The following USH2A variants were observed in gnomAD, a reference collection of about 807,000 sequenced individuals.
The protein encoded by USH2A is Usher syndrome 2A (autosomal recessive, mild).
USH2A carries 443 observed loss-of-function variants against 538.9 expected under a neutral mutation model. The ratio of observed to expected loss-of-function variants is 0.82; its 90% CI spans 0.76 to 0.89. The LOEUF (loss-of-function observed/expected upper bound fraction) is 0.89, where lower values mean the gene tolerates loss of function less well. Among genes scored for constraint, USH2A ranks in the 40% least tolerant of loss-of-function variants. The pLI, the probability that USH2A is intolerant of heterozygous loss-of-function variation, is 0.00. For synonymous variants in USH2A, 2,413 were observed against 2,273.5 expected (o/e 1.06, Z -1.75); for missense variants, 6,633 against 6,324.8 (o/e 1.05, Z -1.65).
chr1:216,329,892 A>C (rs2037820074), intron 4 of USH2A, among the ~76,000 whole-genome samples: 1 of 152,120 alleles, frequency 6.6e-6, no homozygotes, highest in Non-Finnish European at 1.5e-5. Context: ...TGAGATATCA[A>C]GGAGAAAAAA....
intron 64 of USH2A, among the ~76,000 whole-genome samples, chr1:215,668,036 T>G (rs1384989351): frequency 6.6e-6 from 1 of 152,190 alleles, no homozygotes; most frequent in East Asian, 1.9e-4. Flanking sequence ...TCCCCACTGC[T>G]AGGAAGTTTC....
Position 216,086,742 on chromosome 1 carries a change from T to C in USH2A, c.4964A>G (p.Tyr1655Cys). The change falls in exon 24 of 72, where the codon TAT (tyrosine) becomes TGT (cysteine). Residue 1655 changes from tyrosine to cysteine, a missense_variant. Coordinates refer to ENST00000307340, the MANE Select transcript of USH2A (RefSeq NM_206933.4). ...GVFLGGLPRSYTILRKDPEII... is the reference protein window; with the variant it reads ...GVFLGGLPRSCTILRKDPEII... ...ACCAGGATCCTTCCTGAGGATGGTA[T>C]AACTTCGCGGGAGCCCTCCCAGAAA... The C allele has an allele frequency of 6.2e-7, 1 of 1,612,944 alleles. No individual in the cohort carries two copies. The highest frequency in any genetic ancestry group is 8.5e-7 in the Non-Finnish European group (1 of 1,179,296).
rs77089736 is a variant in USH2A at position 216,364,082 on chromosome 1, A to G, written c.784+871T>C. On this transcript the variant is annotated intron_variant, in intron 4 of 71. Transcript: ENST00000307340. ...AAATACTATTTTTATTTTAATATGC[A>G]GGCATTTTAAAGACCACTGTACTAG... is the stretch of plus-strand genomic sequence containing the variant. Among the ~76,000 whole-genome samples, 4 of 151,318 alleles carry G rather than the reference A, an allele frequency of 2.6e-5. No homozygotes were observed. The East Asian group carries it at 7.7e-4, about 29-fold the overall frequency.
chr1:215,699,282 A>G (rs992722193), intron 61 of USH2A, among the ~76,000 whole-genome samples: 5 of 152,044 alleles, frequency 3.3e-5, no homozygotes, highest in African/African-American at 1.2e-4. Context: ...TTTTTGCTTA[A>G]GATTGTCTTG....
chr1:215,764,745 A>G (rs75375609), intron 56 of USH2A, among the ~76,000 whole-genome samples: 10,735 of 152,186 alleles, frequency 0.071, 755 homozygotes, highest in East Asian at 0.36. Flanking sequence ...GATAATCTAA[A>G]GTGGTATACT....
chr1:216,399,881 G>A (rs2039277660), intron 3 of USH2A, among the ~76,000 whole-genome samples: 1 of 152,022 alleles, frequency 6.6e-6, no homozygotes, highest in Admixed American at 6.6e-5. Context: ...ACGGGGTGAT[G>A]AATGAACATA....
chr1:215,846,371 C>T (rs370574274), intron 44 of USH2A, among the ~76,000 whole-genome samples: 2 of 152,150 alleles, frequency 1.3e-5, no homozygotes, highest in Admixed American at 1.3e-4. Flanking sequence ...GGCCATCACA[C>T]TAGTTAATTT....
intron 32 of USH2A, among the ~76,000 whole-genome samples, chr1:216,043,630 T>C (rs891311879): frequency 1.3e-5 from 2 of 152,162 alleles, no homozygotes; most frequent in Non-Finnish European, 2.9e-5. Context: ...TATAGTCACA[T>C]GGCGTTCTTG....
At chr1:215,926,888 G>A (rs114381573) in intron 38 of USH2A, among the ~76,000 whole-genome samples, 1,882 of 152,054 alleles carry the variant, frequency 0.012, 37 homozygotes, top group East Asian at 0.064. Context: ...GATTACAGGC[G>A]TGAGCCACCG....
At chr1:216,139,324 C>T (rs967998806) in intron 21 of USH2A, among the ~76,000 whole-genome samples, 2 of 151,772 alleles carry the variant, frequency 1.3e-5, no homozygotes, top group African/African-American at 4.8e-5. Flanking sequence ...ATCTCCCATA[C>T]CCTAGGCACA....
rs1423057838 is a variant in USH2A, at chr1:216,247,132, T to C, written c.2262A>G (p.Ser754=). ...AGTGAGGATTGCAGAATTTGTTCAC[T>C]GAGCCATGGAGGTTACACTGGCAGG... ...CEPCQCNLHG[S]VNKFCNPHSG... Residue 754 remains serine, a synonymous_variant, in exon 13 of 72, where the codon TCA becomes TCG. Transcript: ENST00000307340. 6.2e-7 allele frequency: 1 copy of C among 1,614,092 alleles called. No individual in the cohort carries two copies. Among genetic ancestry groups the C allele is most frequent in the Non-Finnish European group, 8.5e-7 (1 of 1,179,950 alleles).
intron 61 of USH2A, among the ~76,000 whole-genome samples, chr1:215,713,741 G>A (rs1659404856): frequency 6.6e-6 from 1 of 152,178 alleles, no homozygotes; most frequent in Non-Finnish European, 1.5e-5. Context: ...ACTAGGCAAT[G>A]AATCATATCA....
intron 4 of USH2A, among the ~76,000 whole-genome samples, chr1:216,344,393 A>AT (rs145225356): frequency 0.014 from 2,118 of 152,244 alleles, 15 homozygotes; most frequent in South Asian, 0.027. Context: ...AAGCCACCAC[A>AT]TACATGTATG....
At chr1:215,681,921 A>C (rs1658243541) in intron 61 of USH2A, among the ~76,000 whole-genome samples, 1 of 152,190 alleles carries the variant, frequency 6.6e-6, no homozygotes, top group African/African-American at 2.4e-5. Flanking sequence ...TCAGACTCTG[A>C]AACAAATTTT....
chr1:215,958,265 T>C (rs1667117259), intron 37 of USH2A, among the ~76,000 whole-genome samples: 1 of 152,152 alleles, frequency 6.6e-6, no homozygotes, highest in African/African-American at 2.4e-5. Context: ...TGCATTTCTT[T>C]GGTTTTTCAA....
rs747966256 is a variant in USH2A at position 215,766,759 on chromosome 1, T to C, written c.10969A>G (p.Thr3657Ala). The C allele has an allele frequency of 8.7e-6, 14 of 1,613,208 alleles. No individual in the cohort carries two copies. Among genetic ancestry groups the C allele is most frequent in the Admixed American group, 1.7e-5 (1 of 59,966 alleles). Residue 3657 changes from threonine to alanine, a missense_variant, in exon 56 of 72, where the codon ACT becomes GCT. Thr to Ala is a moderately conservative substitution (Grantham distance 58, BLOSUM62 0). Transcript: ENST00000307340. The part of the protein sequence containing the change: ...GLQPYTNYSF[T>A]LTACTSAGCT... ...CCAGCAGATGTACAAGCTGTAAGAG[T>C]GAAGCTGTAGTTGGTGTATGGCTGG...
At chr1:216,288,247 TC>T (rs1265023903) in intron 11 of USH2A, among the ~76,000 whole-genome samples, 3 of 152,148 alleles carry the variant, frequency 2.0e-5, no homozygotes, top group African/African-American at 7.2e-5. Context: ...AGTATGACTT[TC>T]TGAGAAAATA....
chr1:216,092,991 G>A (rs1365656996), intron 22 of USH2A, among the ~76,000 whole-genome samples: 1 of 151,114 alleles, frequency 6.6e-6, no homozygotes, highest in Non-Finnish European at 1.5e-5. Context: ...TTTGAGACAA[G>A]GTCTCACTCT....
Position 216,196,582 on chromosome 1 carries a change from G to A in USH2A, c.4222C>T (p.Gln1408Ter), listed in dbSNP as rs746551311. The A allele has an allele frequency of 3.0e-5, 48 of 1,613,372 alleles. No individual in the cohort carries two copies. The South Asian group carries it at 4.3e-4, about 14-fold the overall frequency. Residue 1408 changes from glutamine to a stop codon, truncating the protein, a stop_gained, in exon 19 of 72, where the codon CAA (glutamine) becomes TAA (stop). Transcript: ENST00000307340. LOFTEE classifies it high-confidence loss of function. The part of the protein sequence containing the change: ...DINMLSEQSP[Q>*]QSIPMAFSQL... ...GAAAACGCCATGGGAATAGACTGTTGAGGTGATTGTTCAGAAAGCATATTG... is the reference window on the plus strand; with the variant it reads ...GAAAACGCCATGGGAATAGACTGTTAAGGTGATTGTTCAGAAAGCATATTG...
Sources: allele counts gnomAD v4.1 joint callset (sites outside exome capture counted in the v4.1 genomes callset), GRCh38; gene constraint gnomAD v4.1.1; transcripts MANE v1.5; gene names NCBI Gene and HGNC (gene_info 2026-07-23, HGNC 2026-07-21).